The following PTPN7 variants were observed in gnomAD, a reference collection of about 807,000 sequenced individuals.
PTPN7 encodes the protein protein tyrosine phosphatase non-receptor type 7.
Under a neutral mutation model 50.3 loss-of-function variants are expected in PTPN7, and 33 were observed. The ratio of observed to expected loss-of-function variants is 0.66; its 90% CI spans 0.50 to 0.88. The LOEUF (loss-of-function observed/expected upper bound fraction) is 0.88, where lower values mean the gene tolerates loss of function less well. PTPN7 is among the 40% of genes least tolerant of loss of function. The pLI is 0.00. For synonymous variants in PTPN7, 185 were observed against 186.6 expected (o/e 0.99, Z 0.07); for missense variants, 412 against 475.4 (o/e 0.87, Z 1.24).
rs745561756 is a variant in PTPN7, at chr1:202,148,591, G to A, written c.*15C>T. The A allele has an allele frequency of 2.7e-5, 44 of 1,610,092 alleles. No homozygotes were observed. The East Asian group carries it at 2.9e-4, about 11-fold the overall frequency. ...GAGGGAGGTAGGCACCTGGGCCACC[G>A]GAGGGTGGCAGGGGTCAGGGGCTGG... On this transcript the variant is annotated 3_prime_UTR_variant, in exon 10 of 10. Transcript: ENST00000691036.
In PTPN7 at chr1:202,159,914, A is replaced by G; in HGVS notation, c.-52-460T>C. 9.9e-7 allele frequency: 1 copy of G among 1,011,284 alleles called. No individual in the cohort carries two copies. Among genetic ancestry groups the G allele is most frequent in the Non-Finnish European group, 1.2e-6 (1 of 846,626 alleles). The allele number at this position is 1,011,284 out of a possible 1,614,324, so 62.6% of individuals were successfully genotyped here. Reference sequence around the variant, plus strand: ...CCAGCAGTGTTGGAGCTGGTTGGGCAGCCAGGCAGGCGGGCTCCTGGACCC... The same window carrying G: ...CCAGCAGTGTTGGAGCTGGTTGGGCGGCCAGGCAGGCGGGCTCCTGGACCC... On this transcript the variant is annotated intron_variant, in intron 1 of 9. Transcript: ENST00000691036. The surrounding 1 kb of genome is among the most constrained non-coding windows in gnomAD (Gnocchi z 4.6).
In PTPN7 at chr1:202,148,362, G is replaced by T; in HGVS notation, c.*244C>A. The T allele has an allele frequency of 2.3e-6, 1 of 431,458 alleles. No homozygotes were observed. Among genetic ancestry groups the T allele is most frequent in the Non-Finnish European group, 4.2e-6 (1 of 240,886 alleles). 26.7% of individuals were successfully genotyped at this position (431,458 alleles called of 1,614,324 possible). On this transcript the variant is annotated 3_prime_UTR_variant, in exon 10 of 10. Transcript: ENST00000691036. ...CTTTAAGTTCAGAGAGACATTGGAG[G>T]TTCCCCTTACTGTCCATCTGGGGCC...
upstream of PTPN7, chr1:202,161,145 A>G (rs1657336294): frequency 8.4e-7 from 1 of 1,190,340 alleles, no homozygotes. Flanking sequence ...GTGGGGAAAA[A>G]GAAGAAGCAA....
chr1:202,154,129 G>C (rs1656368739), intron 6 of PTPN7, 57 bp downstream of exon 6: 1 of 1,606,762 alleles, frequency 6.2e-7, no homozygotes, highest in African/African-American at 1.3e-5. Flanking sequence ...GTGGGGTGGG[G>C]GTGGGGTGGG....
chr1:202,160,767 G>A (rs3935295), upstream of PTPN7: 293,160 of 1,550,722 alleles, frequency 0.19, 30,663 homozygotes, highest in South Asian at 0.36. This position sits in a 1 kb window ranked among gnomAD's most constrained non-coding sequence, Gnocchi z 4.8. Context: ...CCAAGGCCCC[G>A]TTCCCTGGGA....
intron 8 of PTPN7, among the ~76,000 whole-genome samples, chr1:202,151,747 C>T (rs757555865): frequency 1.3e-4 from 19 of 151,992 alleles, no homozygotes; most frequent in Non-Finnish European, 2.6e-4. Flanking sequence ...GAACTCCCGA[C>T]CTCAGGTGAT....
At chr1:202,150,846 T>C (rs977041477) in intron 8 of PTPN7, among the ~76,000 whole-genome samples, 2 of 152,100 alleles carry the variant, frequency 1.3e-5, no homozygotes, top group African/African-American at 4.8e-5. Context: ...GGCCCCTCTG[T>C]TTCCCACCTT....
chr1:202,148,545 C>A lies in PTPN7; in HGVS notation c.*61G>T. ...CCCAGATCACTCGGCCCACTTTCCC[C>A]AGACCCACCTTCCCAGGCTTGAGGG... On this transcript the variant is annotated 3_prime_UTR_variant, in exon 10 of 10. Coordinates refer to ENST00000691036, the MANE Select transcript of PTPN7 (RefSeq NM_002832.4). 6.6e-7 allele frequency: 1 copy of A among 1,506,494 alleles called. No homozygotes were observed. The highest frequency in any genetic ancestry group is 1.2e-5 in the South Asian group (1 of 86,806). 93.3% of individuals were successfully genotyped at this position (1,506,494 alleles called of 1,614,324 possible).
intron 3 of PTPN7, 59 bp downstream of exon 3, chr1:202,158,059 C>T: frequency 6.7e-7 from 1 of 1,502,504 alleles, no homozygotes; most frequent in Non-Finnish European, 9.0e-7. Context: ...AGAATGGTTC[C>T]AGCTGGCTGC....
chr1:202,160,084 G>T lies in PTPN7; in HGVS notation c.-53+461C>A. On this transcript the variant is annotated intron_variant, in intron 1 of 9. Coordinates refer to ENST00000691036, the MANE Select transcript of PTPN7 (RefSeq NM_002832.4). This position sits in a 1 kb window ranked among gnomAD's most constrained non-coding sequence, Gnocchi z 4.8. The stretch of plus-strand genomic sequence containing the variant: ...TCTCCCGCCTCTGTAACCGTCACAG[G>T]AAATGGCCTCACCAAGCCCTTGAAC... 1 of 717,540 alleles carries T rather than the reference G, an allele frequency of 1.4e-6. No homozygotes were observed. The highest frequency in any genetic ancestry group is 1.7e-6 in the Non-Finnish European group (1 of 581,346). 44.4% of individuals were successfully genotyped at this position (717,540 alleles called of 1,614,324 possible).
In PTPN7 at chr1:202,159,180, T is replaced by C. The variant is rs1305703661; in HGVS notation, c.122+101A>G. The C allele has an allele frequency of 3.3e-6, 4 of 1,227,870 alleles. No homozygotes were observed. The highest frequency in any genetic ancestry group is 1.3e-5 in the South Asian group (1 of 75,336). 76.1% of individuals were successfully genotyped at this position (1,227,870 alleles called of 1,614,324 possible). On this transcript the variant is annotated intron_variant, in intron 2 of 9. Transcript: ENST00000691036. The surrounding 1 kb of genome is among the most constrained non-coding windows in gnomAD (Gnocchi z 4.6). ...AATTGGAGTCAACAACTGAGGGCCC[T>C]CTGGACCCTGCTGTCAGAGCTGGAG...
chr1:202,148,940 C>G (rs1364773120), intron 9 of PTPN7, among the ~76,000 whole-genome samples: 1 of 142,764 alleles, frequency 7.0e-6, no homozygotes, highest in Non-Finnish European at 1.5e-5. Flanking sequence ...ACTGCAACCT[C>G]TGCCTCCCAG....
chr1:202,156,077 A>G (rs995071817), intron 4 of PTPN7, among the ~76,000 whole-genome samples: 1 of 152,108 alleles, frequency 6.6e-6, no homozygotes. Context: ...TCTGGCCCCT[A>G]TTGAAGTATT....
At chr1:202,161,070 G>A (rs1024355626), upstream of PTPN7, 52 of 1,370,792 alleles carry the variant, frequency 3.8e-5, no homozygotes, top group Non-Finnish European at 4.4e-5. Context: ...GCTGCTTCAA[G>A]CCTTGGGAAT....
chr1:202,148,812 A>G (rs2147822586), intron 9 of PTPN7, 113 bp from the exon 10 acceptor site: 1 of 679,258 alleles, frequency 1.5e-6, no homozygotes, highest in East Asian at 3.2e-5. Flanking sequence ...TTCTCAAAGA[A>G]CATGCCAACT....
chr1:202,158,293 G>T lies in PTPN7; in HGVS notation c.131C>A (p.Ser44Tyr). 1.2e-6 allele frequency: 2 copies of T among 1,614,026 alleles called. No individual in the cohort carries two copies. The highest frequency in any genetic ancestry group is 1.7e-6 in the Non-Finnish European group (2 of 1,179,992). The part of the protein sequence containing the change: ...KHVRLQERRG[S>Y]NVALMLDVRS... Reference sequence around the variant, plus strand: ...AACGTCCAGCATCAGAGCCACATTGGAGCCCCGCCTGCAGGCATAGCCCAC... The same window carrying T: ...AACGTCCAGCATCAGAGCCACATTGTAGCCCCGCCTGCAGGCATAGCCCAC... Residue 44 changes from serine to tyrosine, a missense_variant, in exon 3 of 10, where the codon TCC (serine) becomes TAC (tyrosine). Coordinates refer to ENST00000691036, the MANE Select transcript of PTPN7 (RefSeq NM_002832.4).
chr1:202,148,841 T>C, intron 9 of PTPN7, 142 bp from the exon 10 acceptor site: 1 of 405,954 alleles, frequency 2.5e-6, no homozygotes, highest in South Asian at 4.6e-5. Flanking sequence ...TATATTCATC[T>C]TTTCACTTTT....
Position 202,154,199 on chromosome 1 carries a change from C to T in PTPN7, c.593G>A (p.Arg198Gln), listed in dbSNP as rs769261768. 23 of 1,614,080 alleles carry T rather than the reference C, an allele frequency of 1.4e-5. No homozygotes were observed. The highest frequency in any genetic ancestry group is 1.7e-4 in the Middle Eastern group (1 of 6,028). Residue 198 changes from arginine to glutamine, a missense_variant, in exon 6 of 10, where the codon CGA becomes CAA. Arg to Gln is a conservative substitution (Grantham distance 43). Coordinates refer to ENST00000691036, the MANE Select transcript of PTPN7 (RefSeq NM_002832.4). ...TCTGCCTCCTACCTCCTTGCCCTCT[C>T]GGAGCTGAGTGAGCATGACAATGAG... The part of the protein sequence containing the change: ...VSLIVMLTQL[R>Q]EGKEKCVHYW...
rs866354703 is a variant in PTPN7, at chr1:202,150,348, C to T, written c.952G>A (p.Asp318Asn). 5 of 1,613,034 alleles carry T rather than the reference C, an allele frequency of 3.1e-6. No individual in the cohort carries two copies. The highest frequency in any genetic ancestry group is 1.7e-4 in the Middle Eastern group (1 of 6,056). The stretch of plus-strand genomic sequence containing the variant: ...AGTTGGCACACAATACCCAGAATGT[C>T]CACTTCTCCTCGGGCTTTCAGCTGT... ...CQQLKARGEV[D>N]ILGIVCQLRL... Residue 318 changes from aspartate (D) to asparagine (N), a missense_variant, in exon 9 of 10, where the codon GAC becomes AAC. Physicochemically the swap from Asp to Asn is conservative, Grantham distance 23. Transcript: ENST00000691036.
Sources: allele counts gnomAD v4.1 joint callset (sites outside exome capture counted in the v4.1 genomes callset), GRCh38; gene constraint gnomAD v4.1.1; non-coding constraint Gnocchi (gnomAD v3.1); transcripts MANE v1.5; gene names NCBI Gene and HGNC (gene_info 2026-07-23, HGNC 2026-07-21).